Variants in CDH7 observed in about 807,000 individuals in gnomAD.
CDH7 encodes cadherin-7.
In CDH7, 25 loss-of-function variants were observed where a neutral mutation model predicts 71.8. The ratio of observed to expected loss-of-function variants is 0.35; its 90% CI spans 0.25 to 0.49. CDH7 has a LOEUF of 0.49. Among genes scored for constraint, CDH7 ranks in the 20% least tolerant of loss-of-function variants. The pLI is 0.99. For synonymous variants in CDH7, 381 were observed against 363.8 expected (o/e 1.05, Z -0.54); for missense variants, 862 against 974.6 (o/e 0.88, Z 1.54).
intron 7 of CDH7, among the ~76,000 whole-genome samples, chr18:65,853,873 A>C (rs1305285254): frequency 7.2e-6 from 1 of 139,768 alleles, no homozygotes; most frequent in Non-Finnish European, 1.5e-5. Context: ...GAATAAATGG[A>C]AGACATAAGG....
rs1914382143 is a variant in CDH7, at chr18:65,886,678, G to A, written c.*5784G>A. The A allele has an allele frequency of 1.3e-5, 2 of 152,072 alleles. No homozygotes were observed. The highest frequency in any genetic ancestry group is 4.8e-5 in the African/African-American group (2 of 41,426). 9.4% of individuals were successfully genotyped at this position (152,072 alleles called of 1,614,324 possible). A position where few individuals can be genotyped will look rare whatever the true frequency, so the allele number is the denominator to read the frequency against. ...ATCCAGAGTAGATAAAGAAAATGAA[G>A]TTCTAGAGAATACAATACTTTTTAA... is the stretch of plus-strand genomic sequence containing the variant. On this transcript the variant is annotated 3_prime_UTR_variant, in exon 12 of 12. Coordinates refer to ENST00000397968, the MANE Select transcript of CDH7 (RefSeq NM_004361.5).
rs1913264547 is a variant in CDH7, at chr18:65,854,195, C to T, written c.1236-3621C>T. On this transcript the variant is annotated intron_variant, in intron 7 of 11. Coordinates refer to ENST00000397968, the MANE Select transcript of CDH7 (RefSeq NM_004361.5). ...GTGGCCCATGTGTGTAGACCTTGCTCCTTGGGAGGCTGAGATGGGAGGATC... is the reference window on the plus strand; with the variant it reads ...GTGGCCCATGTGTGTAGACCTTGCTTCTTGGGAGGCTGAGATGGGAGGATC... 2.6e-5 allele frequency among the ~76,000 whole-genome samples: 4 copies of T among 151,168 alleles called. No individual in the cohort carries two copies. The South Asian group carries it at 8.4e-4, about 32-fold the overall frequency.
chr18:65,753,104 G>C (rs2143766283), intron 1 of CDH7, among the ~76,000 whole-genome samples: 1 of 152,252 alleles, frequency 6.6e-6, no homozygotes, highest in Non-Finnish European at 1.5e-5. Context: ...AGGGTGGAGA[G>C]CACGCGGAGT....
At chr18:65,794,182 T>C (rs955285299) in intron 2 of CDH7, among the ~76,000 whole-genome samples, 2 of 151,586 alleles carry the variant, frequency 1.3e-5, no homozygotes, top group African/African-American at 4.9e-5. Flanking sequence ...TTTTTTTTTC[T>C]TTTGTGGTAG....
intron 2 of CDH7, among the ~76,000 whole-genome samples, chr18:65,801,699 T>G (rs1568192866): frequency 1.3e-5 from 2 of 152,216 alleles, no homozygotes; most frequent in Admixed American, 6.5e-5. Flanking sequence ...CATATCTTTG[T>G]CTAGGCATTG....
At chr18:65,795,233 A>G (rs1910868404) in intron 2 of CDH7, among the ~76,000 whole-genome samples, 1 of 152,210 alleles carries the variant, frequency 6.6e-6, no homozygotes, top group Admixed American at 6.5e-5. Flanking sequence ...ACACATGTCC[A>G]TTCCGTTGTA....
chr18:65,763,208 G>A (rs1916253929), intron 2 of CDH7, among the ~76,000 whole-genome samples, 156 bp downstream of exon 2: 2 of 152,170 alleles, frequency 1.3e-5, no homozygotes, highest in Admixed American at 1.3e-4. Context: ...GGTTTTTGGC[G>A]ATAGCCACTG....
intron 11 of CDH7, among the ~76,000 whole-genome samples, chr18:65,877,867 T>A (rs1292042503): frequency 1.3e-5 from 2 of 152,196 alleles, no homozygotes. Flanking sequence ...AAAATTGTTG[T>A]CTTTCTTGAG....
chr18:65,815,841 A>T (rs1168660231), intron 4 of CDH7, among the ~76,000 whole-genome samples: 1 of 152,184 alleles, frequency 6.6e-6, no homozygotes, highest in Admixed American at 6.5e-5. Flanking sequence ...CTAAATTCAA[A>T]CACCCACCTC....
At chr18:65,873,594 T>C (rs894565109) in intron 11 of CDH7, among the ~76,000 whole-genome samples, 5 of 152,224 alleles carry the variant, frequency 3.3e-5, no homozygotes, top group African/African-American at 1.2e-4. Context: ...ATATGTTTAT[T>C]TTACACTTAG....
Position 65,781,864 on chromosome 18 carries a change from TTCTCTC to T in CDH7, c.210+18822_210+18827del, listed in dbSNP as rs199977503. 5.7e-4 allele frequency among the ~76,000 whole-genome samples: 31 copies of T among 54,632 alleles called. 2 individuals are homozygous for T. The highest frequency in any genetic ancestry group is 4.0e-3 in the African/African-American group (27 of 6,762). 35.8% of individuals were successfully genotyped at this position (54,632 alleles called of 152,430 possible). ...TTTCTTTCTTTCTTTCTTTCTTTCT[TTCTCTC>T]TCTCTCTCTGTCTCTCTCTCTCTTT... On this transcript the variant is annotated intron_variant, in intron 2 of 11. Transcript: ENST00000397968.
chr18:65,841,982 A>G (rs1031686064), intron 6 of CDH7, among the ~76,000 whole-genome samples: 3 of 152,170 alleles, frequency 2.0e-5, no homozygotes, highest in Admixed American at 2.0e-4. Context: ...CAACATTTTT[A>G]TGTAAAACCT....
chr18:65,842,870 T>C (rs1181963797), intron 6 of CDH7, among the ~76,000 whole-genome samples: 2 of 151,978 alleles, frequency 1.3e-5, no homozygotes, highest in African/African-American at 2.4e-5. Context: ...TTCACTGTTT[T>C]TAATTCTTTT....
intron 11 of CDH7, among the ~76,000 whole-genome samples, chr18:65,878,639 G>C (rs945479040): frequency 3.3e-5 from 5 of 151,872 alleles, no homozygotes; most frequent in Non-Finnish European, 7.4e-5. Flanking sequence ...TTTGAACTTA[G>C]GTTGGTGCAA....
At position 65,882,182 on chromosome 18, in the gene CDH7, C is replaced by T. The variant is rs1914251403; in HGVS notation, c.*1288C>T. The T allele has an allele frequency of 6.6e-6, 1 of 152,046 alleles. No homozygotes were observed. The allele number at this position is 152,046 out of a possible 1,614,324, so 9.4% of individuals were successfully genotyped here. ...ATATGTCCCTCAAGAATTAACCAAG[C>T]AATGTATGATTTCTGTGTGGTTTAG... On this transcript the variant is annotated 3_prime_UTR_variant, in exon 12 of 12. Coordinates refer to ENST00000397968, the MANE Select transcript of CDH7 (RefSeq NM_004361.5).
Position 65,787,273 on chromosome 18 carries a change from A to G in CDH7, c.211-22431A>G, listed in dbSNP as rs9955652. On this transcript the variant is annotated intron_variant, in intron 2 of 11. Transcript: ENST00000397968. ...TATGCAACATACATTCCTTCTACAT[A>G]TAAGAAGGATTATTAGAACTTGATT... 2.8e-3 allele frequency among the ~76,000 whole-genome samples: 421 copies of G among 152,334 alleles called. 2 individuals are homozygous for G. The highest frequency in any genetic ancestry group is 9.7e-3 in the African/African-American group (402 of 41,574).
chr18:65,795,979 G>T (rs1015551468), intron 2 of CDH7, among the ~76,000 whole-genome samples: 1 of 152,010 alleles, frequency 6.6e-6, no homozygotes, highest in Admixed American at 6.6e-5. Context: ...CACCATGATC[G>T]TAAGTTCCCT....
chr18:65,779,996 C>G (rs1910118769), intron 2 of CDH7, among the ~76,000 whole-genome samples: 1 of 108,846 alleles, frequency 9.2e-6, no homozygotes, highest in Non-Finnish European at 1.7e-5. Context: ...GATTGCCATT[C>G]TAACTGGTGT....
intron 11 of CDH7, among the ~76,000 whole-genome samples, chr18:65,866,562 T>C (rs190596383): frequency 1.4e-4 from 22 of 152,242 alleles, no homozygotes; most frequent in East Asian, 7.7e-4. Flanking sequence ...ACTTGAGGTG[T>C]AGGGTAAGTT....
Sources: gnomAD v4.1 joint callset for allele counts (sites outside exome capture counted in the v4.1 genomes callset) on GRCh38, gnomAD v4.1.1 for gene constraint, MANE v1.5 for transcripts, NCBI Gene and HGNC (gene_info 2026-07-23, HGNC 2026-07-21) for gene names.